AGBL1: variants seen among roughly 807,000 people sequenced by gnomAD.
The protein encoded by AGBL1 is cytosolic carboxypeptidase 4.
AGBL1 carries 130 observed loss-of-function variants against 118.9 expected under a neutral mutation model. The observed-to-expected ratio is 1.09, with a 90% CI of 0.95 to 1.26. The LOEUF is 1.26. Among genes scored for constraint, AGBL1 ranks in the 50% most tolerant of loss-of-function variants. AGBL1 has a pLI of 0.00. For synonymous variants in AGBL1, 555 were observed against 478.9 expected (o/e 1.16, Z -2.08); for missense variants, 1,584 against 1,298.1 (o/e 1.22, Z -3.38).
chr15:86,469,033 T>C (rs560530018), intron 18 of AGBL1, among the ~76,000 whole-genome samples: 1 of 152,324 alleles, frequency 6.6e-6, no homozygotes, highest in East Asian at 1.9e-4. Flanking sequence ...TAAATGCTTA[T>C]CAGTCAAGCT....
At chr15:86,440,484 G>GAATAATAATATT (rs1555486128) in intron 18 of AGBL1, among the ~76,000 whole-genome samples, 3 of 144,504 alleles carry the variant, frequency 2.1e-5, no homozygotes, top group Admixed American at 6.9e-5. Context: ...ATGGGATGGA[G>GAATAATAATATT]AATAATAATA....
At chr15:86,379,575 G>A (rs4480769) in intron 17 of AGBL1, among the ~76,000 whole-genome samples, 44,168 of 152,130 alleles carry the variant, frequency 0.29, 7,283 homozygotes, top group East Asian at 0.62. Context: ...TGTGTGCCAT[G>A]TACTTTGCAA....
In AGBL1 at chr15:86,799,643, G is replaced by T. The variant is rs187062429; in HGVS notation, c.3159-107444G>T. On this transcript the variant is annotated intron_variant, in intron 22 of 22. Transcript: ENST00000614907. The stretch of plus-strand genomic sequence containing the variant: ...GGATTCCCGCATCTCCAGAAAGTTG[G>T]AGAAATTGAATAAGTAATTTGAATT... Among the ~76,000 whole-genome samples, 149 of 152,126 alleles carry T rather than the reference G, an allele frequency of 9.8e-4. 2 individuals carry two copies. The Middle Eastern group carries it at 0.01, about 10-fold the overall frequency.
At chr15:86,433,241 T>TCTC (rs921701396) in intron 18 of AGBL1, among the ~76,000 whole-genome samples, 82 of 142,240 alleles carry the variant, frequency 5.8e-4, no homozygotes, top group African/African-American at 1.8e-3. Flanking sequence ...TCCTCCTCCT[T>TCTC]CTCCTCCTCC....
chr15:86,382,808 A>G (rs1235876989), intron 17 of AGBL1, among the ~76,000 whole-genome samples: 5 of 152,032 alleles, frequency 3.3e-5, no homozygotes, highest in Non-Finnish European at 7.4e-5. Flanking sequence ...TAAGCCCATA[A>G]CAGTTCTTAA....
intron 5 of AGBL1, among the ~76,000 whole-genome samples, chr15:86,182,059 G>C (rs752850871): frequency 1.3e-4 from 20 of 151,656 alleles, no homozygotes; most frequent in Non-Finnish European, 2.8e-4. Flanking sequence ...AATAGAGAAG[G>C]GTTTTTTGAG....
intron 23 of AGBL1, among the ~76,000 whole-genome samples, chr15:86,935,374 G>C (rs987409990): frequency 1.3e-5 from 2 of 152,280 alleles, no homozygotes; most frequent in Non-Finnish European, 2.9e-5. Context: ...GTGCTCTAAG[G>C]CATTGGATTT....
rs911759077 is a variant in AGBL1, at chr15:86,079,892, C to T, written c.-81C>T. 21 of 1,063,158 alleles carry T rather than the reference C, an allele frequency of 2.0e-5. No homozygotes were observed. The African/African-American group carries it at 3.4e-4, about 17-fold the overall frequency. The allele number at this position is 1,063,158 out of a possible 1,614,324, so 65.9% of individuals were successfully genotyped here. A position where few individuals can be genotyped will look rare whatever the true frequency, so the allele number is the denominator to read the frequency against. On this transcript the variant is annotated 5_prime_UTR_variant, in exon 1 of 23. Coordinates refer to ENST00000614907, the MANE Select transcript of AGBL1 (RefSeq NM_001386094.1). ...GGGCAGTCGTCTCCTGCGAGGCGGG[C>T]AGCGAGGTCAGCTTGGCAGCCGCTG...
At chr15:86,773,246 TG>T (rs2078207058) in intron 22 of AGBL1, among the ~76,000 whole-genome samples, 1 of 152,046 alleles carries the variant, frequency 6.6e-6, no homozygotes, top group Non-Finnish European at 1.5e-5. Context: ...AAAGAATATT[TG>T]AATTCAACAT....
intron 21 of AGBL1, among the ~76,000 whole-genome samples, chr15:86,593,659 A>G (rs1306649503): frequency 3.3e-5 from 5 of 152,168 alleles, no homozygotes; most frequent in Non-Finnish European, 1.5e-5. Flanking sequence ...GTACTGTTTG[A>G]TAAGTTTTGT....
chr15:86,827,411 G>A (rs28568324), intron 22 of AGBL1, among the ~76,000 whole-genome samples: 1 of 4,586 alleles, frequency 2.2e-4, no homozygotes, highest in Non-Finnish European at 3.3e-4. Context: ...ATATATATGT[G>A]TATATATATA....
At chr15:86,766,251 AGGGTG>A (rs1245071247) in intron 22 of AGBL1, among the ~76,000 whole-genome samples, 1 of 151,916 alleles carries the variant, frequency 6.6e-6, no homozygotes, top group Non-Finnish European at 1.5e-5. Context: ...TCTGTCTCCC[AGGGTG>A]TACCGCCTCC....
chr15:86,470,838 G>A (rs2082470381), intron 18 of AGBL1, among the ~76,000 whole-genome samples: 1 of 151,942 alleles, frequency 6.6e-6, no homozygotes, highest in Non-Finnish European at 1.5e-5. Flanking sequence ...CTTTGTTAGT[G>A]TATAGAAATT....
intron 3 of AGBL1, among the ~76,000 whole-genome samples, chr15:86,151,865 G>A (rs946257737): frequency 1.4e-4 from 21 of 151,872 alleles, no homozygotes; most frequent in African/African-American, 4.8e-5. Flanking sequence ...AATCACAAGC[G>A]TTCCTATACA....
Position 86,577,057 on chromosome 15 carries a change from TA to T in AGBL1, c.2994+22522del, listed in dbSNP as rs2084101784. 2.6e-5 allele frequency among the ~76,000 whole-genome samples: 4 copies of T among 152,178 alleles called. No individual in the cohort carries two copies. The South Asian group carries it at 8.3e-4, about 32-fold the overall frequency. On this transcript the variant is annotated intron_variant, in intron 21 of 22. Transcript: ENST00000614907. Reference sequence around the variant, plus strand: ...ATGTGGAAGTGACTTTGGAACTGGGTAACAGGCAGGGGTTGGAACATTTTGG... The same window carrying T: ...ATGTGGAAGTGACTTTGGAACTGGGTACAGGCAGGGGTTGGAACATTTTGG...
At chr15:86,412,963 A>T (rs1364356817) in intron 18 of AGBL1, among the ~76,000 whole-genome samples, 1 of 152,202 alleles carries the variant, frequency 6.6e-6, no homozygotes, top group African/African-American at 2.4e-5. Flanking sequence ...TAATATTTTA[A>T]GAGCAAAATA....
At chr15:86,929,671 A>C (rs908109612) in intron 23 of AGBL1, among the ~76,000 whole-genome samples, 3 of 152,226 alleles carry the variant, frequency 2.0e-5, no homozygotes, top group African/African-American at 7.2e-5. Context: ...TTAGGACTGC[A>C]TGGCACTATC....
At chr15:86,381,080 A>G (rs1567227219) in intron 17 of AGBL1, among the ~76,000 whole-genome samples, 1 of 152,240 alleles carries the variant, frequency 6.6e-6, no homozygotes, top group Non-Finnish European at 1.5e-5. Context: ...AGGGCCCATC[A>G]TATAGCATAT....
intron 23 of AGBL1, among the ~76,000 whole-genome samples, chr15:86,926,731 C>T (rs1384790080): frequency 6.6e-6 from 1 of 152,136 alleles, no homozygotes; most frequent in Non-Finnish European, 1.5e-5. Context: ...TAAAAAATTG[C>T]CAAGTCATTC....
Sources: gnomAD v4.1 joint callset for allele counts (sites outside exome capture counted in the v4.1 genomes callset) on GRCh38, gnomAD v4.1.1 for gene constraint, MANE v1.5 for transcripts, NCBI Gene and HGNC (gene_info 2026-07-23, HGNC 2026-07-21) for gene names.